NKAIN2: variants seen among roughly 807,000 people sequenced by gnomAD.
NKAIN2 encodes sodium/potassium transporting ATPase interacting 2, also known as sodium/potassium-transporting ATPase subunit beta-1-interacting protein 2.
In NKAIN2, 14 loss-of-function variants were observed where a neutral mutation model predicts 32.6. The ratio of observed to expected loss-of-function variants is 0.43; its 90% confidence interval spans 0.28 to 0.67. The LOEUF (loss-of-function observed/expected upper bound fraction) is 0.67. Among genes scored for constraint, NKAIN2 ranks in the 30% least tolerant of loss-of-function variants. NKAIN2 has a pLI of 0.17. For missense variants in NKAIN2, 198 were observed against 258.3 expected, an observed-to-expected ratio of 0.77 and a Z score of 1.60; for synonymous variants, 80 against 87.2, an observed-to-expected ratio of 0.92 and a Z score of 0.46.
chr6:124,128,299 T>C (rs1182350296), intron 1 of NKAIN2, among the ~76,000 whole-genome samples: 1 of 152,196 alleles, frequency 6.6e-6, no homozygotes, highest in Admixed American at 6.5e-5. Flanking sequence ...TGTTCTATAA[T>C]ATAGATAGCT....
chr6:123,880,779 CCG>C (rs1773417167), intron 1 of NKAIN2, among the ~76,000 whole-genome samples: 1 of 152,032 alleles, frequency 6.6e-6, no homozygotes, highest in African/African-American at 2.4e-5. Context: ...GGTTTTCAGA[CCG>C]TATAACCATA....
At chr6:124,177,773 A>AT (rs1216484529) in intron 1 of NKAIN2, among the ~76,000 whole-genome samples, 260 of 22,260 alleles carry the variant, frequency 0.012, 91 homozygotes, top group African/African-American at 0.024. Context: ...CTGTTCATCC[A>AT]TTTTTTTTTT....
At chr6:124,774,106 A>C (rs1240621519) in intron 4 of NKAIN2, among the ~76,000 whole-genome samples, 1 of 152,198 alleles carries the variant, frequency 6.6e-6, no homozygotes, top group Non-Finnish European at 1.5e-5. Context: ...TCAGACTTAC[A>C]TTCTTAGATG....
At chr6:124,240,592 T>C (rs1294031464) in intron 1 of NKAIN2, among the ~76,000 whole-genome samples, 2 of 152,080 alleles carry the variant, frequency 1.3e-5, no homozygotes, top group Non-Finnish European at 2.9e-5. Context: ...TGGTTCAACA[T>C]ACACTAATCA....
At chr6:124,143,289 G>A (rs994010201) in intron 1 of NKAIN2, among the ~76,000 whole-genome samples, 17 of 152,072 alleles carry the variant, frequency 1.1e-4, no homozygotes, top group African/African-American at 1.7e-4. Context: ...GAGAATTCAC[G>A]TCTACAGAAA....
At chr6:124,132,596 G>A (rs920352159) in intron 1 of NKAIN2, among the ~76,000 whole-genome samples, 6 of 152,218 alleles carry the variant, frequency 3.9e-5, no homozygotes, top group African/African-American at 9.6e-5. Flanking sequence ...CTGGCTAACC[G>A]GAGGTCCTGA....
intron 1 of NKAIN2, among the ~76,000 whole-genome samples, chr6:124,195,915 C>T (rs898548609): frequency 2.6e-5 from 4 of 151,946 alleles, no homozygotes; most frequent in Admixed American, 2.6e-4. Flanking sequence ...AAATTTGCTC[C>T]TTCTAGTGTA....
chr6:123,893,718 C>A (rs910631117), intron 1 of NKAIN2, among the ~76,000 whole-genome samples: 1 of 152,180 alleles, frequency 6.6e-6, no homozygotes, highest in Non-Finnish European at 1.5e-5. Context: ...AAATAAAAGG[C>A]AGCTATGAAG....
intron 3 of NKAIN2, among the ~76,000 whole-genome samples, chr6:124,491,026 T>C (rs1347220243): frequency 6.6e-6 from 1 of 152,048 alleles, no homozygotes; most frequent in Admixed American, 6.6e-5. Context: ...TTTCTATATT[T>C]ATAAATTTCT....
At chr6:124,567,433 A>G (rs1443375750) in intron 3 of NKAIN2, among the ~76,000 whole-genome samples, 1 of 152,076 alleles carries the variant, frequency 6.6e-6, no homozygotes, top group Admixed American at 6.6e-5. Context: ...TGTTCATCGC[A>G]TTTATCTTGA....
intron 4 of NKAIN2, among the ~76,000 whole-genome samples, chr6:124,664,588 A>T: frequency 6.6e-6 from 1 of 151,204 alleles, no homozygotes. Flanking sequence ...AGGTCAGGAG[A>T]TCGAGACCAT....
Position 124,759,655 on chromosome 6 carries a change from A to C in NKAIN2, c.475-31684A>C, listed in dbSNP as rs865984633. Among the ~76,000 whole-genome samples, 264 of 53,124 alleles carry C rather than the reference A, an allele frequency of 5.0e-3. 5 individuals carry two copies. The highest frequency in any genetic ancestry group is 0.013 in the African/African-American group (224 of 17,626). The allele number at this position is 53,124 out of a possible 152,430, so 34.9% of individuals were successfully genotyped here. A position where few individuals can be genotyped will look rare whatever the true frequency, so the allele number is the denominator to read the frequency against. Reference sequence around the variant, plus strand: ...CACACACACACACACACACACACACACCCCCTATCTCCCTTTCCTGCCTTA... The same window carrying C: ...CACACACACACACACACACACACACCCCCCCTATCTCCCTTTCCTGCCTTA... On this transcript the variant is annotated intron_variant, in intron 4 of 6. Coordinates refer to ENST00000368417, the MANE Select transcript of NKAIN2 (RefSeq NM_001040214.3).
At chr6:124,709,012 C>T (rs1318448622) in intron 4 of NKAIN2, among the ~76,000 whole-genome samples, 1 of 141,192 alleles carries the variant, frequency 7.1e-6, no homozygotes, top group African/African-American at 2.7e-5. Flanking sequence ...AGATACGTCC[C>T]GTCAATACCT....
chr6:124,810,818 C>G (rs1002833241), intron 5 of NKAIN2, among the ~76,000 whole-genome samples: 20 of 151,772 alleles, frequency 1.3e-4, no homozygotes, highest in African/African-American at 4.4e-4. Flanking sequence ...GTATGCTTCG[C>G]CTGCTCAAAG....
At chr6:124,139,617 T>TC (rs1215208742) in intron 1 of NKAIN2, among the ~76,000 whole-genome samples, 3 of 152,192 alleles carry the variant, frequency 2.0e-5, no homozygotes, top group African/African-American at 7.2e-5. Flanking sequence ...AATAAAACAT[T>TC]CCCATTATAG....
intron 3 of NKAIN2, among the ~76,000 whole-genome samples, chr6:124,457,064 G>C (rs1776350962): frequency 6.6e-6 from 1 of 151,888 alleles, no homozygotes; most frequent in Non-Finnish European, 1.5e-5. Context: ...ATCAGGGTAA[G>C]TTGCAACTCC....
At chr6:123,998,898 T>C (rs9491037) in intron 1 of NKAIN2, among the ~76,000 whole-genome samples, 7,082 of 151,624 alleles carry the variant, frequency 0.047, 588 homozygotes, top group African/African-American at 0.16. Context: ...CATTTTAATT[T>C]ACAGTTTTCA....
chr6:123,958,533 CTT>C (rs1388707901), intron 1 of NKAIN2, among the ~76,000 whole-genome samples: 2 of 152,212 alleles, frequency 1.3e-5, no homozygotes, highest in African/African-American at 4.8e-5. Context: ...CCTCAAGCCT[CTT>C]TTAAAAGGAC....
intron 3 of NKAIN2, among the ~76,000 whole-genome samples, chr6:124,596,663 G>GGTGTGT (rs9321001): frequency 0.027 from 3,821 of 142,538 alleles, 75 homozygotes; most frequent in African/African-American, 0.053. Flanking sequence ...TAAACCATAG[G>GGTGTGT]GTGTGTGTGT....
Sources: gnomAD v4.1 joint callset for allele counts (sites outside exome capture counted in the v4.1 genomes callset) on GRCh38, gnomAD v4.1.1 for gene constraint, MANE v1.5 for transcripts, NCBI Gene and HGNC (gene_info 2026-07-23, HGNC 2026-07-21) for gene names.